Variants in TMEM132D observed in about 807,000 individuals in gnomAD.
TMEM132D encodes the protein mature OL transmembrane protein.
Under a neutral mutation model 62.3 loss-of-function variants are expected in TMEM132D, and 21 were observed. The observed-to-expected ratio is 0.34, with a 90% confidence interval of 0.24 to 0.49. TMEM132D has a LOEUF of 0.49. Among genes scored for constraint, TMEM132D ranks in the 20% least tolerant of loss-of-function variants. The probability of loss-of-function intolerance (pLI) is 0.99; values close to 1 mark genes in which losing one functional copy is unlikely to be tolerated. For missense variants in TMEM132D, 1,346 were observed against 1,402.8 expected, an observed-to-expected ratio of 0.96 and a Z score of 0.65; for synonymous variants, 621 against 575.6, an observed-to-expected ratio of 1.08 and a Z score of -1.13.
At chr12:129,861,499 G>A (rs1302385937) in intron 1 of TMEM132D, among the ~76,000 whole-genome samples, 1 of 152,148 alleles carries the variant, frequency 6.6e-6, no homozygotes, top group Non-Finnish European at 1.5e-5. Context: ...AGTGGCTCAC[G>A]CCTGTAATCC....
rs1353805343 is a variant in TMEM132D at position 129,780,389 on chromosome 12, T to A, written c.80-79691A>T. The stretch of plus-strand genomic sequence containing the variant: ...ATGTTTTTAAATCTTTTGTGGAAAT[T>A]ATTTACCTTTTAAAATGGGAGATTT... On this transcript the variant is annotated intron_variant, in intron 1 of 8. Transcript: ENST00000422113. Among the ~76,000 whole-genome samples the A allele has an allele frequency of 2.6e-5, 4 of 152,016 alleles. No homozygotes were observed. The South Asian group carries it at 8.3e-4, about 32-fold the overall frequency.
At chr12:129,854,825 T>G (rs1873665619) in intron 1 of TMEM132D, 2 of 152,280 alleles carry the variant, frequency 1.3e-5, no homozygotes, top group Non-Finnish European at 2.9e-5. Flanking sequence ...AGCTGGGATC[T>G]GAGCCGAGCC....
chr12:129,769,569 T>C (rs541053001), intron 1 of TMEM132D, among the ~76,000 whole-genome samples: 3 of 152,140 alleles, frequency 2.0e-5, no homozygotes, highest in African/African-American at 4.8e-5. Flanking sequence ...CAGGCTTTCT[T>C]GCATACCTAC....
intron 5 of TMEM132D, among the ~76,000 whole-genome samples, chr12:129,120,551 G>T (rs949586052): frequency 5.9e-5 from 9 of 152,084 alleles, no homozygotes; most frequent in Non-Finnish European, 1.2e-4. Flanking sequence ...AAGTTGAGGG[G>T]CTGTCCTAAA....
In TMEM132D at chr12:129,073,623, T is replaced by A; in HGVS notation, c.*252A>T. On this transcript the variant is annotated 3_prime_UTR_variant, in exon 9 of 9. Transcript: ENST00000422113. ...AGACGCTCAGTGATTCAGAACTCGT[T>A]TTTGTTTCAAGTCTTAAAAATCTTG... 5.0e-6 allele frequency: 2 copies of A among 396,352 alleles called. No homozygotes were observed. The highest frequency in any genetic ancestry group is 8.9e-6 in the Non-Finnish European group (2 of 223,770). The allele number at this position is 396,352 out of a possible 1,614,324, so 24.6% of individuals were successfully genotyped here. A position where few individuals can be genotyped will look rare whatever the true frequency, so the allele number is the denominator to read the frequency against.
At chr12:129,888,433 C>T (rs1267519107) in intron 1 of TMEM132D, among the ~76,000 whole-genome samples, 6 of 152,168 alleles carry the variant, frequency 3.9e-5, no homozygotes, top group African/African-American at 1.2e-4. Flanking sequence ...CGCGATGGCT[C>T]ACACCTGTAA....
At chr12:129,560,048 T>C (rs1040363552) in intron 2 of TMEM132D, among the ~76,000 whole-genome samples, 1 of 152,180 alleles carries the variant, frequency 6.6e-6, no homozygotes, top group Non-Finnish European at 1.5e-5. Flanking sequence ...CATATTTTAA[T>C]TCAATGTGAA....
chr12:129,878,239 A>G (rs1428509219), intron 1 of TMEM132D, among the ~76,000 whole-genome samples: 1 of 152,176 alleles, frequency 6.6e-6, no homozygotes, highest in Non-Finnish European at 1.5e-5. Context: ...TCAAACCCCA[A>G]ATCTCTTTTA....
intron 4 of TMEM132D, among the ~76,000 whole-genome samples, chr12:129,321,714 A>G (rs56002898): frequency 0.012 from 1,825 of 152,020 alleles, 39 homozygotes; most frequent in African/African-American, 0.041. Flanking sequence ...GCCCGCCACC[A>G]CGCCCAGCTA....
intron 3 of TMEM132D, among the ~76,000 whole-genome samples, chr12:129,528,278 T>A (rs1381935999): frequency 6.6e-6 from 1 of 152,198 alleles, no homozygotes; most frequent in Non-Finnish European, 1.5e-5. Flanking sequence ...TCACGGAGCA[T>A]GATTTCTCTT....
chr12:129,349,694 A>C (rs1322873082), intron 3 of TMEM132D, among the ~76,000 whole-genome samples: 1 of 152,202 alleles, frequency 6.6e-6, no homozygotes, highest in Non-Finnish European at 1.5e-5. Context: ...GGTTATACTC[A>C]CATGCTCCCA....
At chr12:129,205,413 A>AT (rs1198508086) in intron 5 of TMEM132D, among the ~76,000 whole-genome samples, 4 of 149,012 alleles carry the variant, frequency 2.7e-5, no homozygotes, top group Admixed American at 2.7e-4. Context: ...ACCAACAAAG[A>AT]TAAAAAAAAG....
intron 1 of TMEM132D, among the ~76,000 whole-genome samples, chr12:129,705,181 G>A (rs1881474903): frequency 6.6e-6 from 1 of 152,184 alleles, no homozygotes; most frequent in African/African-American, 2.4e-5. Context: ...AGATGATGGA[G>A]CTCCTAATGA....
chr12:129,325,234 C>G (rs1868867437), intron 4 of TMEM132D, among the ~76,000 whole-genome samples: 1 of 152,140 alleles, frequency 6.6e-6, no homozygotes, highest in Non-Finnish European at 1.5e-5. Context: ...TACCCCTATT[C>G]CCTTGGGGAT....
chr12:129,554,805 T>A (rs991679583), intron 2 of TMEM132D, among the ~76,000 whole-genome samples: 4 of 152,220 alleles, frequency 2.6e-5, no homozygotes, highest in African/African-American at 7.2e-5. Flanking sequence ...CAGACTTGAG[T>A]CCAGCTTCCT....
chr12:129,494,259 G>T (rs373434071), intron 3 of TMEM132D, among the ~76,000 whole-genome samples: 1 of 152,168 alleles, frequency 6.6e-6, no homozygotes, highest in Admixed American at 6.6e-5. Flanking sequence ...AGCGATTGGC[G>T]TTTCTTTAGC....
At chr12:129,390,300 T>C (rs891323524) in intron 3 of TMEM132D, among the ~76,000 whole-genome samples, 3 of 152,150 alleles carry the variant, frequency 2.0e-5, no homozygotes, top group Admixed American at 6.5e-5. Context: ...CTTATTACAA[T>C]GGCCCAGTTG....
chr12:129,107,035 C>A (rs1320870771), intron 5 of TMEM132D, among the ~76,000 whole-genome samples: 1 of 152,170 alleles, frequency 6.6e-6, no homozygotes, highest in African/African-American at 2.4e-5. Context: ...AAGACCTTAG[C>A]CGTTTTGTTT....
At chr12:129,364,335 G>A (rs1008329271) in intron 3 of TMEM132D, among the ~76,000 whole-genome samples, 1 of 152,192 alleles carries the variant, frequency 6.6e-6, no homozygotes, top group African/African-American at 2.4e-5. Context: ...ACAACTCTAG[G>A]TGGTATCATT....
Sources: gnomAD v4.1 joint callset for allele counts (sites outside exome capture counted in the v4.1 genomes callset) on GRCh38, gnomAD v4.1.1 for gene constraint, MANE v1.5 for transcripts, NCBI Gene and HGNC (gene_info 2026-07-23, HGNC 2026-07-21) for gene names.